ENDOD1: variants seen among roughly 807,000 people sequenced by gnomAD.
ENDOD1 encodes endonuclease domain-containing 1 protein.
Under a neutral mutation model 6.5 loss-of-function variants are expected in ENDOD1, and 9 were observed. The observed-to-expected ratio is 1.39, with a 90% confidence interval of 0.84 to 2.43. ENDOD1 has a LOEUF of 2.43. ENDOD1 is among the 30% of genes most tolerant of loss of function. The probability of loss-of-function intolerance (pLI) is 0.00; values close to 1 mark genes in which losing one functional copy is unlikely to be tolerated. For missense variants in ENDOD1, 648 were observed against 635.5 expected, an observed-to-expected ratio of 1.02 and a Z score of -0.21; for synonymous variants, 255 against 255.2, an observed-to-expected ratio of 1.00 and a Z score of 0.01.
intron 1 of ENDOD1, among the ~76,000 whole-genome samples, chr11:95,127,858 C>T (rs1859326469): frequency 6.6e-6 from 1 of 152,046 alleles, no homozygotes; most frequent in African/African-American, 2.4e-5. Flanking sequence ...CTCCCCGGTT[C>T]AAGTGATTCT....
chr11:95,119,375 G>A (rs998150202), intron 1 of ENDOD1, among the ~76,000 whole-genome samples: 3 of 152,214 alleles, frequency 2.0e-5, no homozygotes, highest in African/African-American at 7.2e-5. Flanking sequence ...GCTTTAGGGG[G>A]CATCCCAAGC....
intron 1 of ENDOD1, among the ~76,000 whole-genome samples, chr11:95,111,640 A>T (rs1341465283): frequency 6.6e-6 from 1 of 152,092 alleles, no homozygotes; most frequent in Admixed American, 6.5e-5. Flanking sequence ...TCCTATGAGA[A>T]TCTAATGCCA....
chr11:95,128,478 C>T lies in ENDOD1; in HGVS notation c.402C>T (p.Tyr134=), dbSNP rs1565449798. The part of the protein sequence containing the change: ...LGSKQALNTD[Y]LDSDYQRGQL... ...GCAAGCAAGCCTTGAATACAGATTA[C>T]CTTGATTCTGATTACCAAAGAGGAC... The change falls in exon 2 of 2, where the codon TAC becomes TAT. Residue 134 remains tyrosine (Y), a synonymous_variant. Transcript: ENST00000278505. The T allele has an allele frequency of 6.2e-7, 1 of 1,614,240 alleles. No individual in the cohort carries two copies. The highest frequency in any genetic ancestry group is 8.5e-7 in the Non-Finnish European group (1 of 1,180,040).
rs531415639 is a variant in ENDOD1 at position 95,090,002 on chromosome 11, C to A, written c.75C>A (p.Gly25=). Residue 25 remains glycine, a synonymous_variant, in exon 1 of 2, where the codon GGC becomes GGA. Transcript: ENST00000278505. ...LAGLLEGRLV[G]EEEAGFGECD... is the part of the protein sequence containing the mutation. ...GGCTGCTGGAAGGCCGGCTCGTGGG[C>A]GAGGAGGAAGCCGGCTTTGGCGAAT... is the stretch of plus-strand genomic sequence containing the variant. The A allele has an allele frequency of 6.4e-7, 1 of 1,569,082 alleles. No homozygotes were observed. Among genetic ancestry groups the A allele is most frequent in the Non-Finnish European group, 8.6e-7 (1 of 1,159,722 alleles).
chr11:95,095,330 A>T (rs1555110213), intron 1 of ENDOD1, among the ~76,000 whole-genome samples: 1 of 152,266 alleles, frequency 6.6e-6, no homozygotes, highest in African/African-American at 2.4e-5. Flanking sequence ...CTGGAAAACC[A>T]AGAAGTGTGT....
intron 1 of ENDOD1, among the ~76,000 whole-genome samples, chr11:95,125,102 C>T (rs908144122): frequency 6.6e-6 from 1 of 152,064 alleles, no homozygotes; most frequent in Non-Finnish European, 1.5e-5. Flanking sequence ...TCCATCAACC[C>T]CTGTAGGCAC....
intron 1 of ENDOD1, among the ~76,000 whole-genome samples, chr11:95,093,106 A>G (rs1555110008): frequency 1.3e-5 from 2 of 152,214 alleles, no homozygotes; most frequent in African/African-American, 4.8e-5. Flanking sequence ...ACAGAAACTT[A>G]GTCACTCTTG....
intron 1 of ENDOD1, among the ~76,000 whole-genome samples, chr11:95,123,588 C>CACAAAAAA (rs1859283874): frequency 7.4e-6 from 1 of 134,970 alleles, no homozygotes; most frequent in African/African-American, 2.8e-5. Flanking sequence ...GTATAAATAC[C>CACAAAAAA]AAAAAAAAAA....
At chr11:95,110,220 C>T (rs1484817717) in intron 1 of ENDOD1, among the ~76,000 whole-genome samples, 3 of 152,252 alleles carry the variant, frequency 2.0e-5, no homozygotes, top group African/African-American at 7.2e-5. Context: ...TAATTGCCAA[C>T]ACCAGCCCTC....
At chr11:95,107,866 A>C (rs1591013846) in intron 1 of ENDOD1, among the ~76,000 whole-genome samples, 1 of 152,026 alleles carries the variant, frequency 6.6e-6, no homozygotes, top group Non-Finnish European at 1.5e-5. Flanking sequence ...TTTAGTAGAG[A>C]CCGTGTTAGC....
At chr11:95,095,365 A>T (rs2134161074) in intron 1 of ENDOD1, among the ~76,000 whole-genome samples, 1 of 152,418 alleles carries the variant, frequency 6.6e-6, no homozygotes, top group African/African-American at 2.4e-5. Flanking sequence ...GAGCAATGGC[A>T]TTCCAGTCTA....
At chr11:95,120,467 T>C (rs1859252489) in intron 1 of ENDOD1, among the ~76,000 whole-genome samples, 1 of 152,118 alleles carries the variant, frequency 6.6e-6, no homozygotes, top group South Asian at 2.1e-4. Flanking sequence ...ATCCAGGGGC[T>C]AGGGCCTAGA....
At position 95,089,866 on chromosome 11, in the gene ENDOD1, C is replaced by A. The variant is rs1369763406; in HGVS notation, c.-62C>A. On this transcript the variant is annotated 5_prime_UTR_variant, in exon 1 of 2. Coordinates refer to ENST00000278505, the MANE Select transcript of ENDOD1 (RefSeq NM_015036.3). The stretch of plus-strand genomic sequence containing the variant: ...GCTGCGTAGTGCGCTCCCCGCCCAG[C>A]CTGCAGAGCTCGCGCCGCGGCAGCC... 16 of 1,276,804 alleles carry A rather than the reference C, an allele frequency of 1.3e-5. No individual in the cohort carries two copies. Among genetic ancestry groups the A allele is most frequent in the African/African-American group, 1.6e-5 (1 of 63,852 alleles). 79.1% of individuals were successfully genotyped at this position (1,276,804 alleles called of 1,614,324 possible).
rs770624158 is a variant in ENDOD1 at position 95,129,237 on chromosome 11, C to T, written c.1161C>T (p.Phe387=). 2 of 1,614,216 alleles carry T rather than the reference C, an allele frequency of 1.2e-6. No individual in the cohort carries two copies. Residue 387 remains phenylalanine, a synonymous_variant, in exon 2 of 2, where the codon TTC becomes TTT. Transcript: ENST00000278505. ...YRLGSATISY[F]MAIGEELVSI... ...TGGGCTCAGCCACCATCTCATACTT[C>T]ATGGCCATTGGGGAAGAGTTGGTGA...
At chr11:95,104,831 G>T (rs1217303809) in intron 1 of ENDOD1, among the ~76,000 whole-genome samples, 1 of 152,140 alleles carries the variant, frequency 6.6e-6, no homozygotes, top group Admixed American at 6.6e-5. Context: ...CTTTTAAACA[G>T]TTTGGCTTTC....
chr11:95,116,084 C>T (rs1358264608), intron 1 of ENDOD1, among the ~76,000 whole-genome samples: 1 of 151,988 alleles, frequency 6.6e-6, no homozygotes, highest in Non-Finnish European at 1.5e-5. Flanking sequence ...TCTTTAAGTG[C>T]CTGGTAGAAT....
chr11:95,117,947 T>G (rs942863592), intron 1 of ENDOD1, among the ~76,000 whole-genome samples: 35 of 152,122 alleles, frequency 2.3e-4, no homozygotes, highest in African/African-American at 7.5e-4. Context: ...GATTTGAGGT[T>G]ACCATGAGGC....
intron 1 of ENDOD1, among the ~76,000 whole-genome samples, chr11:95,116,216 G>A (rs781961690): frequency 5.3e-5 from 8 of 152,042 alleles, no homozygotes; most frequent in Non-Finnish European, 1.2e-4. Context: ...GTTCAATTTT[G>A]GTTGGTTGTA....
chr11:95,129,355 C>T lies in ENDOD1; in HGVS notation c.1279C>T (p.Leu427=), dbSNP rs769276377. The change falls in exon 2 of 2, where the codon CTG becomes TTG. Residue 427 remains leucine, a synonymous_variant. Transcript: ENST00000278505. ...CCLLKAICRV[L]SIPVRVLVDV... Reference sequence around the variant, plus strand: ...TCTGCTGAAGGCCATTTGCCGAGTTCTGAGCATCCCTGTCCGTGTCCTTGT... The same window carrying T: ...TCTGCTGAAGGCCATTTGCCGAGTTTTGAGCATCCCTGTCCGTGTCCTTGT... 2.2e-5 allele frequency: 35 copies of T among 1,614,052 alleles called. No individual in the cohort carries two copies. The East Asian group carries it at 7.8e-4, about 36-fold the overall frequency.
Sources: gnomAD v4.1 joint callset for allele counts (sites outside exome capture counted in the v4.1 genomes callset) on GRCh38, gnomAD v4.1.1 for gene constraint, MANE v1.5 for transcripts, NCBI Gene and HGNC (gene_info 2026-07-23, HGNC 2026-07-21) for gene names.